Variants in ENTREP2 observed in about 807,000 individuals in gnomAD.
ENTREP2 encodes the protein endosomal transmembrane epsin interactor 2, also known as protein ENTREP2.
the ENTREP2 span, among the ~76,000 whole-genome samples, chr15:29,438,171 T>C: frequency 1.3e-5 from 2 of 152,158 alleles, no homozygotes; most frequent in African/African-American, 4.8e-5. Context: ...AAAGGAAAGA[T>C]GATCCACAGT....
At chr15:29,385,253 T>C in the ENTREP2 span, among the ~76,000 whole-genome samples, 1 of 152,208 alleles carries the variant, frequency 6.6e-6, no homozygotes, top group African/African-American at 2.4e-5. Flanking sequence ...CTCCACCTAC[T>C]TCTAAGCCTG....
At chr15:29,497,640 C>T in the ENTREP2 span, among the ~76,000 whole-genome samples, 1 of 151,964 alleles carries the variant, frequency 6.6e-6, no homozygotes, top group Non-Finnish European at 1.5e-5. Flanking sequence ...GTAATGTCTT[C>T]CCTTTCATTT....
chr15:29,398,938 A>C, the ENTREP2 span, among the ~76,000 whole-genome samples: 1 of 152,150 alleles, frequency 6.6e-6, no homozygotes, highest in African/African-American at 2.4e-5. Context: ...TGTTGAGTTC[A>C]TCAAAAGGGA....
chr15:29,462,709 A>T, the ENTREP2 span, among the ~76,000 whole-genome samples: 66 of 152,280 alleles, frequency 4.3e-4, no homozygotes, highest in Admixed American at 2.3e-3. Flanking sequence ...AATCACTAGG[A>T]GTCCCATCAC....
the ENTREP2 span, among the ~76,000 whole-genome samples, chr15:29,141,890 T>A: frequency 1.3e-5 from 2 of 152,266 alleles, no homozygotes; most frequent in Admixed American, 6.5e-5. Context: ...CCCAGGTAGG[T>A]TCCATGCCCA....
the ENTREP2 span, among the ~76,000 whole-genome samples, chr15:29,509,201 G>A: frequency 1.3e-5 from 2 of 152,136 alleles, no homozygotes; most frequent in African/African-American, 4.8e-5. Flanking sequence ...CAAGGGATGT[G>A]AAGGACCTCT....
At chr15:29,271,451 CAAGG>C in the ENTREP2 span, among the ~76,000 whole-genome samples, 3 of 152,182 alleles carry the variant, frequency 2.0e-5, no homozygotes, top group East Asian at 5.8e-4. Context: ...GAAAAAACAA[CAAGG>C]AAGTAAAACC....
At chr15:29,658,433 G>A in the ENTREP2 span, among the ~76,000 whole-genome samples, 2 of 152,212 alleles carry the variant, frequency 1.3e-5, no homozygotes, top group East Asian at 1.9e-4. Flanking sequence ...GATAATTGAC[G>A]AATACAACTG....
chr15:29,354,015 G>C, the ENTREP2 span, among the ~76,000 whole-genome samples: 1 of 152,204 alleles, frequency 6.6e-6, no homozygotes, highest in East Asian at 1.9e-4. Flanking sequence ...CTGGGTATGT[G>C]TGTCAGGGTG....
At chr15:29,331,674 A>G in the ENTREP2 span, among the ~76,000 whole-genome samples, 1 of 152,130 alleles carries the variant, frequency 6.6e-6, no homozygotes, top group African/African-American at 2.4e-5. Flanking sequence ...TAATCCACCA[A>G]CCAAAAATGC....
the ENTREP2 span, among the ~76,000 whole-genome samples, chr15:29,301,868 A>G: frequency 3.9e-5 from 6 of 152,188 alleles, no homozygotes; most frequent in African/African-American, 1.4e-4. Flanking sequence ...AGGAGGTACC[A>G]TCTATGAAGC....
chr15:29,360,853 C>G, the ENTREP2 span, among the ~76,000 whole-genome samples: 3 of 152,206 alleles, frequency 2.0e-5, no homozygotes, highest in African/African-American at 7.2e-5. Flanking sequence ...TTCCGAGAAG[C>G]TATTCCCTGG....
the ENTREP2 span, among the ~76,000 whole-genome samples, chr15:29,395,106 T>G: frequency 6.6e-6 from 1 of 150,910 alleles, no homozygotes; most frequent in South Asian, 2.1e-4. Context: ...GCCAGGATGG[T>G]CTCGATCTCC....
chr15:29,438,978 CACTA>C, the ENTREP2 span, among the ~76,000 whole-genome samples: 83 of 152,270 alleles, frequency 5.5e-4, no homozygotes, highest in Non-Finnish European at 1.0e-4. Flanking sequence ...GCTCAGTATT[CACTA>C]ACTGAGTATC....
At chr15:29,396,287 AC>A in the ENTREP2 span, among the ~76,000 whole-genome samples, 1 of 151,846 alleles carries the variant, frequency 6.6e-6, no homozygotes, top group African/African-American at 2.4e-5. Context: ...GCCCCGGGCA[AC>A]TACGCTTCTC....
At chr15:29,347,896 T>C in the ENTREP2 span, among the ~76,000 whole-genome samples, 2 of 152,212 alleles carry the variant, frequency 1.3e-5, no homozygotes, top group African/African-American at 4.8e-5. Context: ...ATTTCTCTCC[T>C]GCAGCCCAGA....
chr15:29,263,217 A>C, the ENTREP2 span, among the ~76,000 whole-genome samples: 2 of 152,224 alleles, frequency 1.3e-5, no homozygotes, highest in South Asian at 4.1e-4. Context: ...CCCACAAAAA[A>C]CACCAGGCCC....
At chr15:29,234,382 CTTATTA>C in the ENTREP2 span, 1 of 1,560,668 alleles carries the variant, frequency 6.4e-7, no homozygotes, top group Admixed American at 1.7e-5. Context: ...CTCTGCAGGA[CTTATTA>C]TTAAGATGGG....
the ENTREP2 span, among the ~76,000 whole-genome samples, chr15:29,322,675 G>A: frequency 4.6e-5 from 7 of 152,250 alleles, no homozygotes; most frequent in Admixed American, 6.5e-5. Context: ...GTAAAGTGTC[G>A]ACTTGCTGAG....
Sources: gnomAD v4.1 joint callset for allele counts (sites outside exome capture counted in the v4.1 genomes callset) on GRCh38, gnomAD v4.1.1 for gene constraint, MANE v1.5 for transcripts, NCBI Gene and HGNC (gene_info 2026-07-23, HGNC 2026-07-21) for gene names.